DCDC2C: variants seen among roughly 807,000 people sequenced by gnomAD.
The protein encoded by DCDC2C is doublecortin domain-containing protein 2C.
DCDC2C carries 44 observed loss-of-function variants against 45.0 expected under a neutral mutation model. The ratio of observed to expected loss-of-function variants is 0.98; its 90% CI spans 0.77 to 1.26. The LOEUF (loss-of-function observed/expected upper bound fraction) is 1.26. Among genes scored for constraint, DCDC2C ranks in the 50% most tolerant of loss-of-function variants. The pLI, the probability that DCDC2C is intolerant of heterozygous loss-of-function variation, is 0.00. For synonymous variants in DCDC2C, 187 were observed against 178.8 expected (o/e 1.05, Z -0.37); for missense variants, 447 against 468.9 (o/e 0.95, Z 0.43).
intron 10 of DCDC2C, among the ~76,000 whole-genome samples, chr2:3,804,063 G>T (rs2148205777): frequency 6.6e-6 from 1 of 152,318 alleles, no homozygotes; most frequent in East Asian, 1.9e-4. Context: ...TTGGAGGTAT[G>T]TGTTTACAAT....
intron 4 of DCDC2C, among the ~76,000 whole-genome samples, chr2:3,745,381 T>A (rs73910354): frequency 6.6e-6 from 1 of 152,180 alleles, no homozygotes; most frequent in Non-Finnish European, 1.5e-5. Context: ...AACAGAATAT[T>A]TGAAGGGTAA....
chr2:3,798,746 A>G (rs1490765453), intron 10 of DCDC2C, among the ~76,000 whole-genome samples: 1 of 152,140 alleles, frequency 6.6e-6, no homozygotes, highest in Admixed American at 6.6e-5. Flanking sequence ...ATCTGCTGTT[A>G]GTCTGATGGG....
At chr2:3,727,649 C>T (rs989214401) in intron 3 of DCDC2C, among the ~76,000 whole-genome samples, 5 of 152,224 alleles carry the variant, frequency 3.3e-5, no homozygotes, top group Non-Finnish European at 7.3e-5. Flanking sequence ...GTGGGAGGCA[C>T]TGGGGATAGT....
Position 3,752,854 on chromosome 2 carries a change from T to C in DCDC2C, c.637T>C (p.Tyr213His), listed in dbSNP as rs971726665. ...YVAVGLETFK[Y>H]FPYWKSPRVP... ...TGCTGTGGGACTGGAGACCTTCAAA[T>C]ATTTTCCTTACTGGAAGTCTCCAAG... The change falls in exon 5 of 11, where the codon TAT becomes CAT. Residue 213 changes from tyrosine to histidine, a missense_variant. Tyr to His is a moderately conservative substitution (Grantham distance 83, BLOSUM62 2). Coordinates refer to ENST00000399143, the MANE Select transcript of DCDC2C (RefSeq NM_001287444.2). 1.9e-6 allele frequency: 3 copies of C among 1,550,558 alleles called. No homozygotes were observed. Among genetic ancestry groups the C allele is most frequent in the African/African-American group, 1.4e-5 (1 of 73,174 alleles).
At chr2:3,710,275 T>G (rs1268561215) in intron 2 of DCDC2C, among the ~76,000 whole-genome samples, 1 of 152,094 alleles carries the variant, frequency 6.6e-6, no homozygotes, top group African/African-American at 2.4e-5. Context: ...TGTGCCATGG[T>G]GGTTTGTGGC....
chr2:3,808,948 T>G (rs959484283), intron 10 of DCDC2C, among the ~76,000 whole-genome samples: 3 of 152,078 alleles, frequency 2.0e-5, no homozygotes, highest in Non-Finnish European at 4.4e-5. Context: ...GAATGAGGAT[T>G]TTTTTTTAAA....
chr2:3,819,722 G>T (rs1671641243), intron 10 of DCDC2C, among the ~76,000 whole-genome samples: 1 of 152,206 alleles, frequency 6.6e-6, no homozygotes, highest in Non-Finnish European at 1.5e-5. Flanking sequence ...TGATGAAAAA[G>T]AGTCTAAATG....
intron 9 of DCDC2C, among the ~76,000 whole-genome samples, chr2:3,784,297 G>T (rs1670591518): frequency 2.0e-5 from 3 of 152,016 alleles, no homozygotes; most frequent in African/African-American, 7.2e-5. Flanking sequence ...GCAGCCCTTT[G>T]GAAAAGAGTT....
intron 9 of DCDC2C, among the ~76,000 whole-genome samples, chr2:3,783,034 G>A (rs1008212009): frequency 2.0e-5 from 3 of 152,278 alleles, no homozygotes; most frequent in East Asian, 1.9e-4. Flanking sequence ...ATCTCCGTGC[G>A]GTCTGTAGCC....
chr2:3,822,156 C>G (rs1465362538), intron 10 of DCDC2C, among the ~76,000 whole-genome samples: 1 of 152,192 alleles, frequency 6.6e-6, no homozygotes, highest in African/African-American at 2.4e-5. Flanking sequence ...TGTATCAGTA[C>G]TTTATTCTTT....
At chr2:3,739,766 C>A (rs554783093) in intron 3 of DCDC2C, among the ~76,000 whole-genome samples, 1 of 152,360 alleles carries the variant, frequency 6.6e-6, no homozygotes, top group South Asian at 2.1e-4. Context: ...GATACAAAGC[C>A]CTTTGTTCTT....
chr2:3,830,900 TG>T (rs1182910680), intron 10 of DCDC2C, among the ~76,000 whole-genome samples: 2 of 152,220 alleles, frequency 1.3e-5, no homozygotes, highest in Non-Finnish European at 2.9e-5. Flanking sequence ...TTTCTTTCTT[TG>T]TTGGCCGAAC....
intron 2 of DCDC2C, among the ~76,000 whole-genome samples, chr2:3,717,821 C>A (rs1361344848): frequency 6.6e-6 from 1 of 152,210 alleles, no homozygotes; most frequent in Non-Finnish European, 1.5e-5. Context: ...AAGGCCTCTT[C>A]ATGCGCCTAT....
chr2:3,708,645 A>C, intron 2 of DCDC2C, 45 bp downstream of exon 2: 1 of 1,438,226 alleles, frequency 7.0e-7, no homozygotes, highest in Non-Finnish European at 9.5e-7. Context: ...AAATTGGCCA[A>C]CTTGGTAAAA....
chr2:3,742,164 A>C, intron 4 of DCDC2C, 116 bp downstream of exon 4: 3 of 1,202,428 alleles, frequency 2.5e-6, no homozygotes, highest in African/African-American at 1.5e-5. Context: ...TAAACTCTTA[A>C]TTTTAATTCT....
chr2:3,743,916 A>C (rs974934936), intron 4 of DCDC2C, among the ~76,000 whole-genome samples: 5 of 152,196 alleles, frequency 3.3e-5, no homozygotes, highest in African/African-American at 1.2e-4. Flanking sequence ...AAAAATATAA[A>C]AAATTAGCCA....
intron 7 of DCDC2C, among the ~76,000 whole-genome samples, chr2:3,768,559 C>T (rs1260968953): frequency 6.6e-6 from 1 of 152,148 alleles, no homozygotes; most frequent in African/African-American, 2.4e-5. Context: ...AACACCCTTC[C>T]TCCCCTCTTG....
intron 6 of DCDC2C, among the ~76,000 whole-genome samples, chr2:3,759,313 T>A (rs1669813591): frequency 6.6e-6 from 1 of 152,210 alleles, no homozygotes; most frequent in Non-Finnish European, 1.5e-5. Flanking sequence ...GTCATAAAAA[T>A]GGGTGTCTAA....
At chr2:3,742,926 G>T (rs113032264) in intron 4 of DCDC2C, among the ~76,000 whole-genome samples, 1 of 152,222 alleles carries the variant, frequency 6.6e-6, no homozygotes, top group Non-Finnish European at 1.5e-5. Flanking sequence ...AAAGCTCACA[G>T]TGGTGCTAGT....
Sources: allele counts gnomAD v4.1 joint callset (sites outside exome capture counted in the v4.1 genomes callset), GRCh38; gene constraint gnomAD v4.1.1; transcripts MANE v1.5; gene names NCBI Gene and HGNC (gene_info 2026-07-23, HGNC 2026-07-21).